The following RNF144A variants were observed in gnomAD, a reference collection of about 807,000 sequenced individuals.
The protein encoded by RNF144A is E3 ubiquitin-protein ligase RNF144A.
Under a neutral mutation model 38.7 loss-of-function variants are expected in RNF144A, and 11 were observed. The observed-to-expected ratio is 0.28, with a 90% CI of 0.18 to 0.47. The LOEUF (loss-of-function observed/expected upper bound fraction) is 0.47. Ranked by LOEUF, RNF144A falls within the 20% of genes least tolerant of loss-of-function variation. The pLI is 0.99. For synonymous variants in RNF144A, 149 were observed against 143.9 expected, an observed-to-expected ratio of 1.04 and a Z score of -0.25; for missense variants, 316 against 377.2, an observed-to-expected ratio of 0.84 and a Z score of 1.34.
intron 2 of RNF144A, among the ~76,000 whole-genome samples, chr2:6,954,530 T>A (rs1189775685): frequency 6.6e-6 from 1 of 152,238 alleles, no homozygotes; most frequent in Non-Finnish European, 1.5e-5. Flanking sequence ...TAGAATCTAA[T>A]TCATCATAAT....
At chr2:7,065,821 A>G (rs1318084593) in intron 6 of RNF144A, among the ~76,000 whole-genome samples, 1 of 152,202 alleles carries the variant, frequency 6.6e-6, no homozygotes. Flanking sequence ...ATATTCATGG[A>G]AAAGACTACG....
At chr2:7,050,877 C>T (rs1673493742) in intron 6 of RNF144A, among the ~76,000 whole-genome samples, 2 of 152,172 alleles carry the variant, frequency 1.3e-5, no homozygotes, top group Non-Finnish European at 2.9e-5. Flanking sequence ...GCTGTCAGGA[C>T]CACTCAGACC....
chr2:7,014,220 A>T (rs1261498284), intron 3 of RNF144A, among the ~76,000 whole-genome samples: 1 of 152,176 alleles, frequency 6.6e-6, no homozygotes. Flanking sequence ...TCTAACCCAT[A>T]GCCTTAGCTT....
chr2:6,973,499 C>T (rs1668117683), intron 2 of RNF144A, among the ~76,000 whole-genome samples: 1 of 152,170 alleles, frequency 6.6e-6, no homozygotes, highest in African/African-American at 2.4e-5. Context: ...GGTCACTTCA[C>T]AGTACAGGGC....
intron 8 of RNF144A, among the ~76,000 whole-genome samples, chr2:7,032,700 T>C (rs934599375): frequency 6.6e-6 from 1 of 152,200 alleles, no homozygotes; most frequent in Non-Finnish European, 1.5e-5. Flanking sequence ...AGGACATCAG[T>C]GGTATGGGAT....
rs13413864 is a variant in RNF144A at position 7,031,690 on chromosome 2, G to A, written c.747+1475G>A. The stretch of plus-strand genomic sequence containing the variant: ...TCAGTCTCAAGGCAGTTGCCAGGAC[G>A]AGGGAAAGGTCCACCTACAGCTGCA... On this transcript the variant is annotated intron_variant, in intron 8 of 8. Transcript: ENST00000320892. Among the ~76,000 whole-genome samples, 1,512 of 152,376 alleles carry A rather than the reference G, an allele frequency of 9.9e-3. 13 individuals are homozygous for A. The highest frequency in any genetic ancestry group is 0.012 in the Non-Finnish European group (844 of 68,038).
chr2:6,943,413 G>A lies in RNF144A; in HGVS notation c.-12+2266G>A, dbSNP rs1391390666. 2.0e-5 allele frequency among the ~76,000 whole-genome samples: 3 copies of A among 152,214 alleles called. No homozygotes were observed. The highest frequency in any genetic ancestry group is 2.9e-5 in the Non-Finnish European group (2 of 68,042). ...GAGAGAAGAATGCAGGGGAGGAAGT[G>A]GAGACAGGGATTGTAGACAACTCAG... On this transcript the variant is annotated intron_variant, in intron 2 of 8. Coordinates refer to ENST00000320892, the MANE Select transcript of RNF144A (RefSeq NM_014746.6). This position sits in a 1 kb window ranked among gnomAD's most constrained non-coding sequence, Gnocchi z 4.3.
At position 6,944,792 on chromosome 2, in the gene RNF144A, A is replaced by G. The variant is rs10189637; in HGVS notation, c.-12+3645A>G. ...ACGCTGTGTTTGGGAATCTGTCTCA[A>G]ACAAATTCCAAGAACTGTGAAATGG... is the stretch of plus-strand genomic sequence containing the variant. On this transcript the variant is annotated intron_variant, in intron 2 of 8. Coordinates refer to ENST00000320892, the MANE Select transcript of RNF144A (RefSeq NM_014746.6). This position sits in a 1 kb window ranked among gnomAD's most constrained non-coding sequence, Gnocchi z 4.7. Among the ~76,000 whole-genome samples, 2,618 of 152,298 alleles carry G rather than the reference A, an allele frequency of 0.017. 36 individuals are homozygous for G. The highest frequency in any genetic ancestry group is 0.025 in the Non-Finnish European group (1,727 of 68,026).
intron 1 of RNF144A, among the ~76,000 whole-genome samples, chr2:6,922,313 A>G (rs905802478): frequency 7.2e-5 from 11 of 152,174 alleles, no homozygotes; most frequent in African/African-American, 1.9e-4. Flanking sequence ...GCTTCTGCCT[A>G]TGGGAGCCTG....
At chr2:7,070,215 T>C (rs1674412724), downstream of RNF144A, among the ~76,000 whole-genome samples, 1 of 152,186 alleles carries the variant, frequency 6.6e-6, no homozygotes, top group Admixed American at 6.5e-5. Flanking sequence ...TGTTACCCAG[T>C]CTATAGTACA....
intron 1 of RNF144A, among the ~76,000 whole-genome samples, chr2:6,931,424 A>G (rs1160116872): frequency 1.3e-5 from 2 of 152,252 alleles, no homozygotes; most frequent in Non-Finnish European, 2.9e-5. Flanking sequence ...CATTGGAATT[A>G]CCCAGGTCAG....
intron 2 of RNF144A, among the ~76,000 whole-genome samples, chr2:6,952,387 G>T (rs1666742135): frequency 2.1e-5 from 1 of 47,260 alleles, no homozygotes; most frequent in African/African-American, 1.2e-4. Context: ...GATTGAAGAG[G>T]GAGGGTTTTT....
intron 2 of RNF144A, among the ~76,000 whole-genome samples, chr2:6,975,343 G>A (rs111948337): frequency 7.2e-5 from 11 of 152,260 alleles, no homozygotes; most frequent in African/African-American, 2.6e-4. Flanking sequence ...CCCACAACAT[G>A]TGAGAATTAT....
intron 2 of RNF144A, among the ~76,000 whole-genome samples, chr2:6,985,057 A>G (rs1006675607): frequency 6.6e-6 from 1 of 152,252 alleles, no homozygotes; most frequent in Non-Finnish European, 1.5e-5. Context: ...AAGCAAAGAG[A>G]AAATCAAAAT....
At chr2:6,973,939 A>G (rs1264012039) in intron 2 of RNF144A, among the ~76,000 whole-genome samples, 1 of 152,224 alleles carries the variant, frequency 6.6e-6, no homozygotes, top group Non-Finnish European at 1.5e-5. Context: ...TAGCAGGAAG[A>G]CTTTGCCAGT....
At chr2:6,993,733 C>A (rs1669546212) in intron 2 of RNF144A, among the ~76,000 whole-genome samples, 1 of 152,098 alleles carries the variant, frequency 6.6e-6, no homozygotes, top group African/African-American at 2.4e-5. Context: ...TAAAAATTTT[C>A]TCCATTGGAT....
chr2:6,979,301 T>G (rs1029468048), intron 2 of RNF144A, among the ~76,000 whole-genome samples: 5 of 152,092 alleles, frequency 3.3e-5, no homozygotes, highest in Non-Finnish European at 7.4e-5. Flanking sequence ...ATGAGATATT[T>G]TTTTTCCTGG....
intron 2 of RNF144A, among the ~76,000 whole-genome samples, chr2:6,954,068 C>T (rs1015677051): frequency 5.3e-5 from 8 of 151,928 alleles, no homozygotes; most frequent in African/African-American, 1.9e-4. Flanking sequence ...CACTTTTCTC[C>T]ATCCTTTGAC....
At chr2:6,961,553 T>C (rs1386776558) in intron 2 of RNF144A, among the ~76,000 whole-genome samples, 1 of 152,188 alleles carries the variant, frequency 6.6e-6, no homozygotes, top group Non-Finnish European at 1.5e-5. Flanking sequence ...GAGACATGCA[T>C]GCATCCTAAG....
Sources: gnomAD v4.1 joint callset for allele counts (sites outside exome capture counted in the v4.1 genomes callset) on GRCh38, gnomAD v4.1.1 for gene constraint, Gnocchi (gnomAD v3.1) non-coding constraint, MANE v1.5 for transcripts, NCBI Gene and HGNC (gene_info 2026-07-23, HGNC 2026-07-21) for gene names.